Variants in PCDHA2 observed in about 807,000 individuals in gnomAD.
PCDHA2 encodes the protein protocadherin alpha 2.
In PCDHA2, 58 loss-of-function variants were observed where a neutral mutation model predicts 66.0. The ratio of observed to expected loss-of-function variants is 0.88; its 90% confidence interval spans 0.71 to 1.09. The LOEUF is 1.09. Among genes scored for constraint, PCDHA2 ranks in the 50% least tolerant of loss-of-function variants. PCDHA2 has a pLI of 0.00. For missense variants in PCDHA2, 1,267 were observed against 1,242.3 expected (o/e 1.02, Z -0.30); for synonymous variants, 634 against 554.0 (o/e 1.14, Z -2.03).
chr5:140,841,945 C>A (rs1554138662), intron 1 of PCDHA2: 1 of 1,613,782 alleles, frequency 6.2e-7, no homozygotes, highest in African/African-American at 1.3e-5. Flanking sequence ...CTCCTGCGCA[C>A]CACTTATTCC....
intron 1 of PCDHA2, chr5:140,804,762 G>A (rs1554123132): frequency 4.2e-6 from 1 of 240,016 alleles, no homozygotes; most frequent in African/African-American, 2.2e-5. Context: ...CTAGCAATTA[G>A]TTGGACTCCC....
intron 1 of PCDHA2, among the ~76,000 whole-genome samples, chr5:140,965,934 G>C (rs1186937423): frequency 6.6e-6 from 1 of 152,212 alleles, no homozygotes; most frequent in Non-Finnish European, 1.5e-5. Context: ...CTCCCGGAAA[G>C]AGGGCAGCAT....
chr5:140,927,225 G>A, intron 1 of PCDHA2: 2 of 1,614,112 alleles, frequency 1.2e-6, no homozygotes, highest in South Asian at 2.2e-5. Context: ...ACAAGATTCG[G>A]ATTCACGTCC....
intron 1 of PCDHA2, chr5:140,850,645 T>C: frequency 1.3e-6 from 2 of 1,598,542 alleles, no homozygotes; most frequent in South Asian, 1.1e-5. Context: ...ACGCTGCTGC[T>C]GTACACTGTG....
chr5:140,924,907 AAAAT>A (rs1563068966), intron 1 of PCDHA2, among the ~76,000 whole-genome samples: 53 of 50,956 alleles, frequency 1.0e-3, no homozygotes, highest in African/African-American at 2.1e-3. Flanking sequence ...AAAAAAAAAT[AAAAT>A]AAAATAAAAT....
chr5:140,927,907 G>T, intron 1 of PCDHA2: 1 of 1,614,156 alleles, frequency 6.2e-7, no homozygotes, highest in Non-Finnish European at 8.5e-7. Context: ...TCATGCCCCC[G>T]AACTGGACTT....
At chr5:140,813,728 G>C (rs1765368616) in intron 1 of PCDHA2, 1 of 152,332 alleles carries the variant, frequency 6.6e-6, no homozygotes, top group South Asian at 2.1e-4. Context: ...GGTCATGGTG[G>C]CTCATGCCTG....
At chr5:140,901,311 C>T (rs1242541248) in intron 1 of PCDHA2, among the ~76,000 whole-genome samples, 3 of 152,052 alleles carry the variant, frequency 2.0e-5, no homozygotes, top group Non-Finnish European at 4.4e-5. Context: ...GGAGAGTTTC[C>T]CCAATGTTTT....
intron 1 of PCDHA2, among the ~76,000 whole-genome samples, chr5:140,893,669 C>T (rs1204530639): frequency 6.6e-6 from 1 of 152,158 alleles, no homozygotes; most frequent in African/African-American, 2.4e-5. Flanking sequence ...AAAATTTCAG[C>T]ACTTTGGATA....
At chr5:140,876,117 C>T in intron 1 of PCDHA2, 1 of 1,613,922 alleles carries the variant, frequency 6.2e-7, no homozygotes, top group Non-Finnish European at 8.5e-7. Flanking sequence ...TGATGGTAAT[C>T]GATGGCGGTA....
At chr5:140,809,308 G>C in intron 1 of PCDHA2, 6 of 1,614,122 alleles carry the variant, frequency 3.7e-6, no homozygotes, top group Non-Finnish European at 4.2e-6. Flanking sequence ...TCTGCGCGGT[G>C]TCCAGCCTTT....
At chr5:140,854,518 G>A (rs1446011923) in intron 1 of PCDHA2, 1 of 149,946 alleles carries the variant, frequency 6.7e-6, no homozygotes, top group Non-Finnish European at 1.5e-5. Flanking sequence ...GATGGATTAA[G>A]TGACACCCAT....
intron 1 of PCDHA2, among the ~76,000 whole-genome samples, chr5:140,819,535 A>G (rs1375120782): frequency 1.3e-5 from 2 of 152,274 alleles, no homozygotes; most frequent in Non-Finnish European, 1.5e-5. Context: ...TCAAGAAAAT[A>G]ATCTGTAACA....
intron 1 of PCDHA2, chr5:140,926,768 C>T: frequency 2.2e-6 from 3 of 1,361,764 alleles, no homozygotes; most frequent in Non-Finnish European, 2.9e-6. Context: ...GTATCCAGCC[C>T]GCAGCAGTGA....
intron 1 of PCDHA2, chr5:140,829,737 T>C (rs2150173685): frequency 3.1e-6 from 5 of 1,613,542 alleles, no homozygotes; most frequent in East Asian, 4.5e-5. Flanking sequence ...GGCAGCAACG[T>C]GACGCTGCAG....
chr5:140,959,424 G>A (rs957625236), intron 1 of PCDHA2, among the ~76,000 whole-genome samples: 1 of 152,104 alleles, frequency 6.6e-6, no homozygotes, highest in Non-Finnish European at 1.5e-5. Context: ...CTGAGAATTT[G>A]TGTATTTTTT....
Position 140,796,901 on chromosome 5 carries a change from G to T in PCDHA2, c.1937G>T (p.Arg646Leu), listed in dbSNP as rs782098586. The T allele has an allele frequency of 4.3e-6, 7 of 1,613,776 alleles. No individual in the cohort carries two copies. Among genetic ancestry groups the T allele is most frequent in the Non-Finnish European group, 5.9e-6 (7 of 1,179,978 alleles). The change falls in exon 1 of 4, where the codon CGC (arginine) becomes CTC (leucine). Residue 646 changes from arginine to leucine, a missense_variant. By Grantham distance (102) the Arg-to-Leu change is moderately radical. Coordinates refer to ENST00000526136, the MANE Select transcript of PCDHA2 (RefSeq NM_018905.3). ...ALDEADSPRH[R>L]LLVLVKDHGE... ...GACGAGGCTGACTCCCCTCGACACCGCCTACTCGTGCTGGTGAAGGACCAC... is the reference window on the plus strand; with the variant it reads ...GACGAGGCTGACTCCCCTCGACACCTCCTACTCGTGCTGGTGAAGGACCAC...
At chr5:140,956,650 GATGCTGGCCTTA>G (rs2095299191) in intron 1 of PCDHA2, among the ~76,000 whole-genome samples, 1 of 152,154 alleles carries the variant, frequency 6.6e-6, no homozygotes, top group Non-Finnish European at 1.5e-5. Context: ...GTATCAGGAT[GATGCTGGCCTTA>G]AAGGAGTTAG....
At chr5:140,815,322 T>C (rs2126663063) in intron 1 of PCDHA2, 6 of 152,124 alleles carry the variant, frequency 3.9e-5, no homozygotes, top group African/African-American at 1.4e-4. Flanking sequence ...ATGCTATGTT[T>C]TTGTTCCTTT....
Sources: allele counts gnomAD v4.1 joint callset (sites outside exome capture counted in the v4.1 genomes callset), GRCh38; gene constraint gnomAD v4.1.1; transcripts MANE v1.5; gene names NCBI Gene and HGNC (gene_info 2026-07-23, HGNC 2026-07-21).